Variants in VNN2 observed in about 807,000 individuals in gnomAD.
VNN2 encodes the protein vanin 2, also known as pantetheine hydrolase VNN2.
VNN2 carries 43 observed loss-of-function variants against 43.0 expected under a neutral mutation model. The ratio of observed to expected loss-of-function variants is 1.00; its 90% confidence interval spans 0.78 to 1.29. VNN2 has a LOEUF of 1.29. VNN2 is among the 50% of genes most tolerant of loss of function. The pLI, the probability that VNN2 is intolerant of heterozygous loss-of-function variation, is 0.00. For synonymous variants in VNN2, 230 were observed against 224.3 expected, an observed-to-expected ratio of 1.03 and a Z score of -0.23; for missense variants, 652 against 619.7, an observed-to-expected ratio of 1.05 and a Z score of -0.55.
chr6:132,761,150 A>G (rs1451326998), upstream of VNN2, among the ~76,000 whole-genome samples: 1 of 152,168 alleles, frequency 6.6e-6, no homozygotes, highest in South Asian at 2.1e-4. Context: ...TTTCATAAAG[A>G]TGATTGATCA....
At chr6:132,753,749 C>T (rs1397736083) in intron 3 of VNN2, 1 of 200,604 alleles carries the variant, frequency 5.0e-6, no homozygotes, top group African/African-American at 2.4e-5. Context: ...GCCAGGAGCT[C>T]AAGACCAGCC....
intron 1 of VNN2, among the ~76,000 whole-genome samples, chr6:132,763,105 C>T (rs1780775761): frequency 6.6e-6 from 1 of 152,046 alleles, no homozygotes; most frequent in Admixed American, 6.6e-5. Context: ...GTCGGGATGA[C>T]TGTCACCACA....
intron 3 of VNN2, chr6:132,753,226 C>T (rs1288700993): frequency 2.3e-5 from 5 of 216,594 alleles, no homozygotes; most frequent in Non-Finnish European, 3.8e-5. Context: ...GGGGTTTCAC[C>T]GTGTCAGCCA....
In VNN2 at chr6:132,744,465, G is replaced by T; in HGVS notation, c.1398C>A (p.Asn466Lys). ...FEVLKDGRLV[N>K]KNGSSGPILT... Reference sequence around the variant, plus strand: ...GTATAGGCCCAGATGATCCATTCTTGTTTACCAAACGCCCATCTTTCAGCA... The same window carrying T: ...GTATAGGCCCAGATGATCCATTCTTTTTTACCAAACGCCCATCTTTCAGCA... Residue 466 changes from asparagine to lysine, a missense_variant, in exon 7 of 7, where the codon AAC becomes AAA. Physicochemically the swap from Asn to Lys is moderately conservative, Grantham distance 94. Coordinates refer to ENST00000326499, the MANE Select transcript of VNN2 (RefSeq NM_004665.6). The T allele has an allele frequency of 6.3e-7, 1 of 1,589,390 alleles. No individual in the cohort carries two copies. Among genetic ancestry groups the T allele is most frequent in the Non-Finnish European group, 8.5e-7 (1 of 1,171,332 alleles).
chr6:132,753,889 G>GTGGAGA, intron 3 of VNN2: 1 of 147,522 alleles, frequency 6.8e-6, no homozygotes, highest in Non-Finnish European at 1.5e-5. Context: ...GGAGTCAGAG[G>GTGGAGA]TTGCAGTGAG....
chr6:132,757,236 T>C (rs767074447), intron 2 of VNN2, among the ~76,000 whole-genome samples, 180 bp downstream of exon 2: 1 of 152,204 alleles, frequency 6.6e-6, no homozygotes, highest in African/African-American at 2.4e-5. Flanking sequence ...AGATTTTCAA[T>C]CACAAAAGAT....
Position 132,749,798 on chromosome 6 carries a change from G to A in VNN2, c.1268C>T (p.Ser423Phe). The A allele has an allele frequency of 6.2e-7, 1 of 1,614,078 alleles. No individual in the cohort carries two copies. The highest frequency in any genetic ancestry group is 8.5e-7 in the Non-Finnish European group (1 of 1,179,984). Residue 423 changes from serine to phenylalanine, a missense_variant, in exon 6 of 7, where the codon TCT becomes TTT. By Grantham distance (155) the Ser-to-Phe change is radical. Coordinates refer to ENST00000326499, the MANE Select transcript of VNN2 (RefSeq NM_004665.6). The stretch of plus-strand genomic sequence containing the variant: ...GAGGGAGAACATTTCAAATCTTGTA[G>A]AAGCAGTTTCTACTGGCCGTCCACA... ...TTCGRPVETA[S>F]TRFEMFSLSG...
Position 132,751,383 on chromosome 6 carries a change from T to C in VNN2, c.962A>G (p.Asn321Ser), listed in dbSNP as rs1464565637. The C allele has an allele frequency of 1.2e-6, 2 of 1,614,176 alleles. No homozygotes were observed. Among genetic ancestry groups the C allele is most frequent in the Admixed American group, 1.7e-5 (1 of 60,018 alleles). ...TGGTTTGATGGTGGTGGCGTAGGCA[T>C]TCCAATTAACAGCTGTTGGGTAGGC... Reference protein sequence around the residue: ...SLAYPTAVNWNAYATTIKPFP... With the variant: ...SLAYPTAVNWSAYATTIKPFP... The change falls in exon 5 of 7, where the codon AAT (asparagine) becomes AGT (serine). Residue 321 changes from asparagine (N) to serine (S), a missense_variant. By Grantham distance (46) the Asn-to-Ser change is conservative. Coordinates refer to ENST00000326499, the MANE Select transcript of VNN2 (RefSeq NM_004665.6).
intron 2 of VNN2, among the ~76,000 whole-genome samples, chr6:132,756,796 T>C (rs1446463611): frequency 6.6e-6 from 1 of 152,248 alleles, no homozygotes; most frequent in African/African-American, 2.4e-5. Context: ...ATCTATATGC[T>C]GACATTTGAT....
intron 3 of VNN2, among the ~76,000 whole-genome samples, chr6:132,755,351 G>A (rs1310795904): frequency 2.1e-5 from 3 of 143,510 alleles, no homozygotes; most frequent in Admixed American, 7.0e-5. Context: ...TTTTTACAAC[G>A]TGTCATTTTC....
chr6:132,758,000 T>TTTCTTCTTCTTCTTCTTCTTCTTCTTC (rs60545394), upstream of VNN2: 779 of 341,718 alleles, frequency 2.3e-3, 184 homozygotes, highest in African/African-American at 0.025. Context: ...TATCATCATT[T>TTTCTTCTTCTTCTTCTTCTTCTTCTTC]TTCTTCTTCT....
Position 132,751,196 on chromosome 6 carries a change from A to G in VNN2, c.1149T>C (p.Val383=), listed in dbSNP as rs1189958356. 1 of 1,613,762 alleles carries G rather than the reference A, an allele frequency of 6.2e-7. No homozygotes were observed. The highest frequency in any genetic ancestry group is 8.5e-7 in the Non-Finnish European group (1 of 1,179,948). ...CATGTAATCCTGTAAAAGCTCCTAG[A>G]ACGTATACTTCATTCTCTTCTTTTT... The part of the protein sequence containing the change: ...MLQKEENEVY[V]LGAFTGLHGR... The change falls in exon 5 of 7, where the codon GTT becomes GTC. Residue 383 remains valine, a synonymous_variant. Transcript: ENST00000326499.
rs759172389 is a variant in VNN2 at position 132,757,531 on chromosome 6, C to T, written c.229G>A (p.Val77Met). 1 of 1,613,798 alleles carries T rather than the reference C, an allele frequency of 6.2e-7. No homozygotes were observed. Among genetic ancestry groups the T allele is most frequent in the Non-Finnish European group, 8.5e-7 (1 of 1,179,912 alleles). Reference protein sequence around the residue: ...QAAEQGARIIVTPEDALYGWK... With the variant: ...QAAEQGARIIMTPEDALYGWK... ...CCATAAAGTGCATCTTCTGGAGTCA[C>T]AATGATTCGAGCACCCTGTTCAAAA... Residue 77 changes from valine (V) to methionine (M), a missense_variant, in exon 2 of 7, where the codon GTG becomes ATG. Physicochemically the swap from Val to Met is conservative, Grantham distance 21. Transcript: ENST00000326499.
upstream of VNN2, among the ~76,000 whole-genome samples, chr6:132,761,836 T>G (rs1218131673): frequency 1.8e-4 from 28 of 152,318 alleles, no homozygotes; most frequent in Non-Finnish European, 4.4e-5. Context: ...GTGTAGTTTC[T>G]GCTTTGCACC....
chr6:132,749,661 T>C (rs1224222417), intron 6 of VNN2, 34 bp downstream of exon 6: 4 of 1,577,342 alleles, frequency 2.5e-6, no homozygotes, highest in Non-Finnish European at 8.6e-7. Flanking sequence ...AGAGAACATA[T>C]AAAATGAAAA....
chr6:132,749,756 G>C lies in VNN2; in HGVS notation c.1310C>G (p.Thr437Arg), dbSNP rs1779939893. ...TAGCACTTCAGGAAAAACATACTCT[G>C]TTCCAAATGTGCCACTGAGGGAGAA... ...EMFSLSGTFG[T>R]EYVFPEVLLT... The change falls in exon 6 of 7, where the codon ACA becomes AGA. Residue 437 changes from threonine to arginine, a missense_variant. Transcript: ENST00000326499. 2 of 1,614,058 alleles carry C rather than the reference G, an allele frequency of 1.2e-6. No homozygotes were observed. The highest frequency in any genetic ancestry group is 1.7e-6 in the Non-Finnish European group (2 of 1,179,970).
In VNN2 at chr6:132,763,134, C is replaced by G. The variant is rs544057382; in HGVS notation, c.-20+249G>C. 2.0e-3 allele frequency among the ~76,000 whole-genome samples: 305 copies of G among 151,724 alleles called. 3 individuals carry two copies. The highest frequency in any genetic ancestry group is 7.1e-3 in the African/African-American group (292 of 41,316). ...CACCACAGAAATAAATCCACAGGAA[C>G]TGGATCCAAGTCACTCGTTGATTTA... On this transcript the variant is annotated intron_variant, in intron 1 of 3. Transcript: ENST00000524919.
chr6:132,751,634 A>G (rs930866154), intron 4 of VNN2, 116 bp from the exon 5 acceptor site: 2 of 1,262,824 alleles, frequency 1.6e-6, no homozygotes, highest in African/African-American at 1.5e-5. Context: ...TCACGATGAG[A>G]GAGGATACAT....
intron 3 of VNN2, chr6:132,753,073 G>T: frequency 4.5e-6 from 1 of 220,058 alleles, no homozygotes; most frequent in East Asian, 1.1e-4. Context: ...CTGAGACGGA[G>T]CCTCGCTCTA....
Sources: allele counts gnomAD v4.1 joint callset (sites outside exome capture counted in the v4.1 genomes callset), GRCh38; gene constraint gnomAD v4.1.1; transcripts MANE v1.5; gene names NCBI Gene and HGNC (gene_info 2026-07-23, HGNC 2026-07-21).